CEP250: variants seen among roughly 807,000 people sequenced by gnomAD.
The protein encoded by CEP250 is centrosomal protein 250.
CEP250 carries 242 observed loss-of-function variants against 315.7 expected under a neutral mutation model. That is an observed-to-expected ratio of 0.77 (90% CI 0.69 to 0.85). The LOEUF (loss-of-function observed/expected upper bound fraction) is 0.85. CEP250 is among the 40% of genes least tolerant of loss of function. The pLI, the probability that CEP250 is intolerant of heterozygous loss-of-function variation, is 0.00. For missense variants in CEP250, 2,515 were observed against 2,886.4 expected (o/e 0.87, Z 2.95); for synonymous variants, 1,088 against 1,175.0 (o/e 0.93, Z 1.51).
At chr20:35,487,784 A>G (rs999842412) in intron 20 of CEP250, among the ~76,000 whole-genome samples, 1 of 152,246 alleles carries the variant, frequency 6.6e-6, no homozygotes, top group Non-Finnish European at 1.5e-5. Context: ...TAAATAAAAT[A>G]TAAAAAGAGA....
chr20:35,472,919 C>T lies in CEP250; in HGVS notation c.1209+88C>T, dbSNP rs191502448. ...AGGTACCTCCCTAGCCTGGACTATC[C>T]CTTTCACTTTTTTGACCAGTCATGA... On this transcript the variant is annotated intron_variant, in intron 12 of 34. Coordinates refer to ENST00000397527, the MANE Select transcript of CEP250 (RefSeq NM_007186.6). The T allele has an allele frequency of 8.9e-6, 12 of 1,346,868 alleles. No individual in the cohort carries two copies. The South Asian group carries it at 1.5e-4, about 17-fold the overall frequency. 83.4% of individuals were successfully genotyped at this position (1,346,868 alleles called of 1,614,324 possible).
chr20:35,508,013 G>A, intron 31 of CEP250, 22 bp from the exon 32 acceptor site: 1 of 1,614,022 alleles, frequency 6.2e-7, no homozygotes, highest in African/African-American at 1.3e-5. Flanking sequence ...GCCCAGGTGA[G>A]ATTCACAGGT....
At position 35,502,790 on chromosome 20, in the gene CEP250, T is replaced by G; in HGVS notation, c.4421T>G (p.Leu1474Arg). The change falls in exon 30 of 35, where the codon CTG becomes CGG. Residue 1474 changes from leucine (L) to arginine (R), a missense_variant. Transcript: ENST00000397527. Reference protein sequence around the residue: ...DLKKRNQEVDLQQEQIQELEK... With the variant: ...DLKKRNQEVDRQQEQIQELEK... ...AAGAAGAGGAACCAAGAGGTAGATC[T>G]GCAGCAAGAACAGATTCAGGAGCTA... is the stretch of plus-strand genomic sequence containing the variant. 6.2e-7 allele frequency: 1 copy of G among 1,614,264 alleles called. No homozygotes were observed. Among genetic ancestry groups the G allele is most frequent in the Non-Finnish European group, 8.5e-7 (1 of 1,180,050 alleles).
Position 35,466,065 on chromosome 20 carries a change from C to T in CEP250, c.353C>T (p.Thr118Ile), listed in dbSNP as rs369894925. The change falls in exon 7 of 35, where the codon ACC (threonine) becomes ATC (isoleucine). Residue 118 changes from threonine to isoleucine, a missense_variant. Thr to Ile is a moderately conservative substitution (Grantham distance 89). Transcript: ENST00000397527. ...QRCESLAEVN[T>I]QLRLHMEKAD... Reference sequence around the variant, plus strand: ...TGTGAGAGTCTAGCAGAGGTGAACACCCAGCTTCGACTGCACATGGAAAAA... The same window carrying T: ...TGTGAGAGTCTAGCAGAGGTGAACATCCAGCTTCGACTGCACATGGAAAAA... The T allele has an allele frequency of 8.6e-4, 1,381 of 1,614,178 alleles. 25 individuals are homozygous for T. In the South Asian group the frequency reaches 0.014, roughly 17 times the overall value.
At position 35,490,801 on chromosome 20, in the gene CEP250, C is replaced by T. The variant is rs1350176814; in HGVS notation, c.2751C>T (p.Cys917=). ...GGACCCAGGCAGAGAGTGCCCTATG[C>T]CAGGTGGGAAGCTAGGAGGATTGGA... is the stretch of plus-strand genomic sequence containing the variant. The part of the protein sequence containing the change: ...EERTQAESAL[C]QMQLETEKER... The change falls in exon 21 of 35, where the codon TGC becomes TGT. Residue 917 remains cysteine (C), a synonymous_variant. Transcript: ENST00000397527. 1 of 1,612,210 alleles carries T rather than the reference C, an allele frequency of 6.2e-7. No individual in the cohort carries two copies. Among genetic ancestry groups the T allele is most frequent in the African/African-American group, 1.3e-5 (1 of 74,842 alleles).
chr20:35,504,447 C>T lies in CEP250; in HGVS notation c.6078C>T (p.Ile2026=), dbSNP rs776880760. The T allele has an allele frequency of 1.2e-6, 2 of 1,611,940 alleles. No homozygotes were observed. Among genetic ancestry groups the T allele is most frequent in the East Asian group, 4.5e-5 (2 of 44,834 alleles). Residue 2026 remains isoleucine, a synonymous_variant, in exon 30 of 35, where the codon ATC becomes ATT. Coordinates refer to ENST00000397527, the MANE Select transcript of CEP250 (RefSeq NM_007186.6). ...EEALRIQEGE[I]QDQDLRYQED... is the part of the protein sequence containing the mutation. ...CTCTGAGGATACAAGAAGGTGAGATCCAGGACCAGGATCTCCGATACCAGG... is the reference window on the plus strand; with the variant it reads ...CTCTGAGGATACAAGAAGGTGAGATTCAGGACCAGGATCTCCGATACCAGG...
intron 1 of CEP250, among the ~76,000 whole-genome samples, chr20:35,457,768 CAG>C (rs1417899064): frequency 6.6e-6 from 1 of 152,154 alleles, no homozygotes; most frequent in Non-Finnish European, 1.5e-5. Flanking sequence ...CAGTGCACTA[CAG>C]CCTGGGTAAC....
rs1353299140 is a variant in CEP250, at chr20:35,458,343, T to C, written c.-258T>C. The C allele has an allele frequency of 1.3e-5, 2 of 152,258 alleles. No homozygotes were observed. Among genetic ancestry groups the C allele is most frequent in the Non-Finnish European group, 2.9e-5 (2 of 68,048 alleles). 9.4% of individuals were successfully genotyped at this position (152,258 alleles called of 1,614,324 possible). ...GTTGGTCTTTAGTAAGGGTGCTGTC[T>C]TCCCTGTCTGATCCTTAGCAAAAGT... is the stretch of plus-strand genomic sequence containing the variant. On this transcript the variant is annotated 5_prime_UTR_variant, in exon 2 of 35. Coordinates refer to ENST00000397527, the MANE Select transcript of CEP250 (RefSeq NM_007186.6).
intron 23 of CEP250, 93 bp downstream of exon 23, chr20:35,493,665 C>T: frequency 3.9e-6 from 5 of 1,276,272 alleles, no homozygotes; most frequent in East Asian, 5.6e-5. Context: ...AACCTTGGCC[C>T]TGCTGCCTGG....
Position 35,502,660 on chromosome 20 carries a change from G to C in CEP250, c.4291G>C (p.Ala1431Pro). 2 of 1,614,252 alleles carry C rather than the reference G, an allele frequency of 1.2e-6. No homozygotes were observed. Among genetic ancestry groups the C allele is most frequent in the Non-Finnish European group, 1.7e-6 (2 of 1,180,046 alleles). ...TTTGGCCCTCCTGACCCAGACCCTA[G>C]CTGAAAGAGAAGAGGAGGTGGAGAC... is the stretch of plus-strand genomic sequence containing the variant. ...ENLALLTQTL[A>P]EREEEVETLR... Residue 1431 changes from alanine to proline, a missense_variant, in exon 30 of 35, where the codon GCT becomes CCT. Ala to Pro is a conservative substitution (Grantham distance 27). Transcript: ENST00000397527.
intron 11 of CEP250, 151 bp from the exon 12 acceptor site, chr20:35,472,522 A>C (rs1336944188): frequency 3.8e-6 from 3 of 786,886 alleles, no homozygotes; most frequent in Non-Finnish European, 6.2e-6. Context: ...TGAAGGAACC[A>C]GACTTTTATG....
At chr20:35,488,651 A>G (rs1371021269) in intron 20 of CEP250, among the ~76,000 whole-genome samples, 1 of 151,986 alleles carries the variant, frequency 6.6e-6, no homozygotes, top group East Asian at 1.9e-4. Context: ...TTTTGTAGAT[A>G]AGGGGTTTCA....
At chr20:35,492,572 GAA>G (rs2063727835) in intron 22 of CEP250, among the ~76,000 whole-genome samples, 1 of 152,164 alleles carries the variant, frequency 6.6e-6, no homozygotes, top group Non-Finnish European at 1.5e-5. Flanking sequence ...CTGGGACACA[GAA>G]GAGGGCTTGG....
chr20:35,509,698 ACAAAG>A (rs2064300103), intron 33 of CEP250, among the ~76,000 whole-genome samples: 1 of 152,232 alleles, frequency 6.6e-6, no homozygotes, highest in Non-Finnish European at 1.5e-5. Context: ...CAGGGCTAGC[ACAAAG>A]CAGATACATG....
At chr20:35,505,762 G>A (rs989921574) in intron 30 of CEP250, among the ~76,000 whole-genome samples, 8 of 152,102 alleles carry the variant, frequency 5.3e-5, no homozygotes, top group African/African-American at 1.9e-4. Flanking sequence ...AACAAGTGTA[G>A]TATCTGTGTA....
At position 35,493,537 on chromosome 20, in the gene CEP250, T is replaced by A. The variant is rs760016829; in HGVS notation, c.2998T>A (p.Ser1000Thr). Residue 1000 changes from serine to threonine, a missense_variant, in exon 23 of 35, where the codon TCC (serine) becomes ACC (threonine). Physicochemically the swap from Ser to Thr is moderately conservative, Grantham distance 58 (BLOSUM62 1). Transcript: ENST00000397527. ...DLAALQEESS[S>T]LLQDKMDLQK... ...TGCTGCCCTCCAAGAAGAGAGCAGCTCCCTGCTGCAGGATAAGATGGACCT... is the reference window on the plus strand; with the variant it reads ...TGCTGCCCTCCAAGAAGAGAGCAGCACCCTGCTGCAGGATAAGATGGACCT... The A allele has an allele frequency of 6.3e-7, 1 of 1,597,294 alleles. No homozygotes were observed. The highest frequency in any genetic ancestry group is 8.5e-7 in the Non-Finnish European group (1 of 1,172,864).
intron 17 of CEP250, among the ~76,000 whole-genome samples, chr20:35,478,842 T>A (rs2063251331): frequency 6.6e-6 from 1 of 152,242 alleles, no homozygotes; most frequent in Non-Finnish European, 1.5e-5. Flanking sequence ...ATGAATGACC[T>A]GGCTCAAAGG....
intron 12 of CEP250, 38 bp from the exon 13 acceptor site, chr20:35,473,336 T>G (rs768091241): frequency 6.4e-7 from 1 of 1,568,870 alleles, no homozygotes; most frequent in South Asian, 1.2e-5. Flanking sequence ...TCCTTTGCCC[T>G]TGTTCATCAT....
At position 35,500,141 on chromosome 20, in the gene CEP250, G is replaced by C. The variant is rs887342835; in HGVS notation, c.3870G>C (p.Leu1290=). The C allele has an allele frequency of 6.2e-7, 1 of 1,613,820 alleles. No individual in the cohort carries two copies. Among genetic ancestry groups the C allele is most frequent in the African/African-American group, 1.3e-5 (1 of 74,874 alleles). ...AGGTCCACACAGAGTTGCAGGATCT[G>C]CAGAGACAGCTCTCCCAGAATCAGG... The part of the protein sequence containing the change: ...KSQVHTELQD[L]QRQLSQNQEE... The change falls in exon 28 of 35, where the codon CTG becomes CTC. Residue 1290 remains leucine, a synonymous_variant. Transcript: ENST00000397527.
Sources: gnomAD v4.1 joint callset for allele counts (sites outside exome capture counted in the v4.1 genomes callset) on GRCh38, gnomAD v4.1.1 for gene constraint, MANE v1.5 for transcripts, NCBI Gene and HGNC (gene_info 2026-07-23, HGNC 2026-07-21) for gene names.